SAG: variants seen among roughly 807,000 people sequenced by gnomAD.
SAG encodes S-arrestin.
SAG carries 45 observed loss-of-function variants against 55.0 expected under a neutral mutation model. The ratio of observed to expected loss-of-function variants is 0.82; its 90% confidence interval spans 0.64 to 1.05. The LOEUF (loss-of-function observed/expected upper bound fraction) is 1.05, where lower values mean the gene tolerates loss of function less well. Ranked by LOEUF, SAG falls within the 50% of genes least tolerant of loss-of-function variation. SAG has a pLI of 0.00. For synonymous variants in SAG, 189 were observed against 197.4 expected (o/e 0.96, Z 0.36); for missense variants, 455 against 512.1 (o/e 0.89, Z 1.08).
rs555909085 is a variant in SAG, at chr2:233,329,147, G to A, written c.649-346G>A. The stretch of plus-strand genomic sequence containing the variant: ...TGCACTGTGTGTATACACGTGTGTG[G>A]GTGTGCCAGGGGCTGTGTTACACGG... On this transcript the variant is annotated intron_variant, in intron 8 of 15. Transcript: ENST00000409110. The A allele has an allele frequency of 6.4e-4, 127 of 197,058 alleles. 1 individual carries two copies. The African/African-American group carries it at 0.023, about 35-fold the overall frequency. The allele number at this position is 197,058 out of a possible 1,614,324, so 12.2% of individuals were successfully genotyped here. A position where few individuals can be genotyped will look rare whatever the true frequency, so the allele number is the denominator to read the frequency against.
chr2:233,320,938 G>T, intron 5 of SAG, 115 bp downstream of exon 5: 6 of 873,982 alleles, frequency 6.9e-6, no homozygotes, highest in Non-Finnish European at 1.0e-5. Flanking sequence ...CCTGGAAATT[G>T]CACCCTTGAA....
rs1328906838 is a variant in SAG, at chr2:233,331,738, T to A, written c.806+26T>A. ...GTGAGTAGCTGTTGGGGTTTCCGTT[T>A]CCTGGGCGTCTCAGCCTTCTGTGTC... is the stretch of plus-strand genomic sequence containing the variant. On this transcript the variant is annotated intron_variant, in intron 10 of 15. Coordinates refer to ENST00000409110, the MANE Select transcript of SAG (RefSeq NM_000541.5). 1.9e-6 allele frequency: 3 copies of A among 1,551,728 alleles called. No individual in the cohort carries two copies. In the African/African-American group the frequency reaches 4.1e-5, roughly 21 times the overall value.
chr2:233,309,133 A>G (rs1227606196), intron 1 of SAG, 29 bp from the exon 2 acceptor site: 2 of 1,384,612 alleles, frequency 1.4e-6, no homozygotes, highest in Admixed American at 3.5e-5. Context: ...CCTTTCTCCA[A>G]CCCTCTAACA....
chr2:233,329,723 GC>G, intron 9 of SAG, 146 bp downstream of exon 9: 1 of 625,040 alleles, frequency 1.6e-6, no homozygotes, highest in East Asian at 2.8e-5. Context: ...CAGCAGGACT[GC>G]GGAGGGAGAA....
Position 233,320,746 on chromosome 2 carries a change from G to A in SAG, c.298G>A (p.Ala100Thr), listed in dbSNP as rs771117432. Residue 100 changes from alanine to threonine, a missense_variant, in exon 5 of 16, where the codon GCC becomes ACC. Transcript: ENST00000409110. Reference protein sequence around the residue: ...SRVQVYPPVGAASTPTKLQES... With the variant: ...SRVQVYPPVGTASTPTKLQES... ...GGTCCAGGTGTATCCTCCTGTGGGG[G>A]CCGCGAGCACCCCCACAAAACTGCA... 9.3e-5 allele frequency: 150 copies of A among 1,606,130 alleles called. No homozygotes were observed. The highest frequency in any genetic ancestry group is 1.1e-4 in the Non-Finnish European group (133 of 1,176,560).
chr2:233,331,762 T>C (rs776327408), intron 10 of SAG, 50 bp downstream of exon 10: 1 of 1,347,466 alleles, frequency 7.4e-7, no homozygotes, highest in Non-Finnish European at 1.1e-6. Flanking sequence ...GCCTTCTGTG[T>C]CAAGTTTCTC....
Position 233,346,904 on chromosome 2 carries a change from G to A in SAG, c.1210G>A (p.Asp404Asn). 1 of 1,583,346 alleles carries A rather than the reference G, an allele frequency of 6.3e-7. No homozygotes were observed. The highest frequency in any genetic ancestry group is 1.1e-5 in the South Asian group (1 of 89,540). The part of the protein sequence containing the change: ...EEGKRDKNDV[D>N]E ...GGGGAAGAGAGACAAGAATGACGTTGATGAGTGAAGATGTCGGCTCAGGAT... is the reference window on the plus strand; with the variant it reads ...GGGGAAGAGAGACAAGAATGACGTTAATGAGTGAAGATGTCGGCTCAGGAT... Residue 404 changes from aspartate (D) to asparagine (N), a missense_variant, in exon 16 of 16, where the codon GAT becomes AAT. Transcript: ENST00000409110.
intron 2 of SAG, 24 bp from the exon 3 acceptor site, chr2:233,316,051 G>GACCC: frequency 6.7e-7 from 1 of 1,502,782 alleles, no homozygotes; most frequent in Middle Eastern, 1.7e-4. Context: ...TTGGCCCTTA[G>GACCC]ACCCACACCT....
intron 6 of SAG, among the ~76,000 whole-genome samples, chr2:233,325,720 C>A (rs1700531598): frequency 6.6e-6 from 1 of 152,192 alleles, no homozygotes; most frequent in South Asian, 2.1e-4. Flanking sequence ...CAAAGCACCA[C>A]CTATTTTCTG....
At chr2:233,327,603 T>C (rs570963584) in intron 7 of SAG, 2 of 159,192 alleles carry the variant, frequency 1.3e-5, no homozygotes, top group East Asian at 1.9e-4. Context: ...TGGAGTGCAA[T>C]GTGACCTCGG....
intron 2 of SAG, among the ~76,000 whole-genome samples, chr2:233,313,444 G>A (rs1364726384): frequency 6.6e-6 from 1 of 152,138 alleles, no homozygotes. Flanking sequence ...AGTAGACACT[G>A]AGCAGCAGAA....
intron 14 of SAG, chr2:233,343,037 C>T (rs1701149131): frequency 6.6e-6 from 1 of 151,326 alleles, no homozygotes; most frequent in South Asian, 2.0e-4. Flanking sequence ...GGGTTACAGG[C>T]ATGAGCCACT....
chr2:233,327,117 A>G lies in SAG; in HGVS notation c.436-4A>G, dbSNP rs755472752. The G allele has an allele frequency of 4.3e-6, 7 of 1,613,078 alleles. No individual in the cohort carries two copies. Among genetic ancestry groups the G allele is most frequent in the East Asian group, 4.5e-5 (2 of 44,900 alleles). On this transcript the variant is annotated splice_region_variant and splice_polypyrimidine_tract_variant and intron_variant, in intron 6 of 15. Coordinates refer to ENST00000409110, the MANE Select transcript of SAG (RefSeq NM_000541.5). Reference sequence around the variant, plus strand: ...GCTGCCTGTCTGCTCTCTCTCCCCAACAGTCCTGTGGGGTTGACTTTGAGG... The same window carrying G: ...GCTGCCTGTCTGCTCTCTCTCCCCAGCAGTCCTGTGGGGTTGACTTTGAGG...
At chr2:233,326,396 C>T (rs1004632344) in intron 6 of SAG, among the ~76,000 whole-genome samples, 2 of 152,008 alleles carry the variant, frequency 1.3e-5, no homozygotes, top group South Asian at 2.1e-4. Context: ...ACCAGCCTGG[C>T]CAACCTAGTG....
chr2:233,325,349 C>T (rs926112668), intron 6 of SAG, among the ~76,000 whole-genome samples: 2 of 113,942 alleles, frequency 1.8e-5, no homozygotes, highest in Admixed American at 1.7e-4. Flanking sequence ...GAGCAAGACT[C>T]CATCTAAAAA....
At chr2:233,313,715 CTTTTTTTTTTTTT>C (rs58355307) in intron 2 of SAG, among the ~76,000 whole-genome samples, 1 of 78,950 alleles carries the variant, frequency 1.3e-5, no homozygotes, top group African/African-American at 4.8e-5. Context: ...CCGGGCTAAT[CTTTTTTTTTTTTT>C]TTTTTTTTTT....
chr2:233,322,916 AAATGAT>A, intron 5 of SAG, 24 bp from the exon 6 acceptor site: 1 of 1,383,076 alleles, frequency 7.2e-7, no homozygotes, highest in Non-Finnish European at 1.0e-6. Flanking sequence ...CTTCTGAAAT[AAATGAT>A]TTTTTATTTG....
chr2:233,324,134 G>C (rs1037228164), intron 6 of SAG, among the ~76,000 whole-genome samples: 3 of 152,042 alleles, frequency 2.0e-5, no homozygotes, highest in African/African-American at 7.2e-5. Flanking sequence ...CAGTGGCTCA[G>C]GCCTGTCATC....
chr2:233,332,011 T>A lies in SAG; in HGVS notation c.806+299T>A, dbSNP rs1700781707. ...GGGATCAGCTGGCTTTTTCTATTTA[T>A]CCTTGGAATGAATTGTTAGGAATTT... On this transcript the variant is annotated intron_variant, in intron 10 of 15. Transcript: ENST00000409110. 1.5e-5 allele frequency: 6 copies of A among 404,474 alleles called. No homozygotes were observed. In the East Asian group the frequency reaches 3.1e-4, roughly 21 times the overall value. 25.1% of individuals were successfully genotyped at this position (404,474 alleles called of 1,614,324 possible). A position where few individuals can be genotyped will look rare whatever the true frequency, so the allele number is the denominator to read the frequency against.
Sources: allele counts gnomAD v4.1 joint callset (sites outside exome capture counted in the v4.1 genomes callset), GRCh38; gene constraint gnomAD v4.1.1; transcripts MANE v1.5; gene names NCBI Gene and HGNC (gene_info 2026-07-23, HGNC 2026-07-21).